SLC25A40: variants seen among roughly 807,000 people sequenced by gnomAD.
SLC25A40 encodes the protein solute carrier family 25 member 40.
Under a neutral mutation model 46.5 loss-of-function variants are expected in SLC25A40, and 41 were observed. The observed-to-expected ratio is 0.88, with a 90% CI of 0.69 to 1.14. SLC25A40 has a LOEUF of 1.14. SLC25A40 is among the 50% of genes most tolerant of loss of function. The pLI, the probability that SLC25A40 is intolerant of heterozygous loss-of-function variation, is 0.00. For missense variants in SLC25A40, 386 were observed against 393.6 expected (o/e 0.98, Z 0.16); for synonymous variants, 126 against 127.5 (o/e 0.99, Z 0.08).
At position 87,841,944 on chromosome 7, in the gene SLC25A40, A is replaced by T. The variant is rs1179981951; in HGVS notation, c.742-230T>A. ...AAAATTCCCTTACTTTCCTGAGGTCACACAGCTACTAGTTGCAGAGCCACA... is the reference window on the plus strand; with the variant it reads ...AAAATTCCCTTACTTTCCTGAGGTCTCACAGCTACTAGTTGCAGAGCCACA... On this transcript the variant is annotated intron_variant, in intron 9 of 11. Coordinates refer to ENST00000341119, the MANE Select transcript of SLC25A40 (RefSeq NM_018843.4). The T allele has an allele frequency of 8.6e-6, 3 of 348,348 alleles. No individual in the cohort carries two copies. The East Asian group carries it at 2.3e-4, about 27-fold the overall frequency. The allele number at this position is 348,348 out of a possible 1,614,324, so 21.6% of individuals were successfully genotyped here. A position where few individuals can be genotyped will look rare whatever the true frequency, so the allele number is the denominator to read the frequency against.
intron 1 of SLC25A40, among the ~76,000 whole-genome samples, chr7:87,867,108 C>A (rs986014773): frequency 6.6e-6 from 1 of 152,224 alleles, no homozygotes; most frequent in Non-Finnish European, 1.5e-5. Flanking sequence ...TGGATCAAAT[C>A]TGTTTGTTGT....
intron 8 of SLC25A40, 91 bp downstream of exon 8, chr7:87,846,858 A>T: frequency 3.7e-6 from 4 of 1,083,068 alleles, no homozygotes; most frequent in African/African-American, 1.6e-5. Flanking sequence ...ACTTACCTTT[A>T]ATGGTAAAGA....
chr7:87,854,091 G>T, intron 5 of SLC25A40, 113 bp downstream of exon 5: 1 of 719,118 alleles, frequency 1.4e-6, no homozygotes, highest in Non-Finnish European at 2.3e-6. Flanking sequence ...CAAAGAAGTA[G>T]TTCCCTGTTC....
At chr7:87,869,057 A>G (rs1418202346) in intron 1 of SLC25A40, among the ~76,000 whole-genome samples, 1 of 152,214 alleles carries the variant, frequency 6.6e-6, no homozygotes, top group Non-Finnish European at 1.5e-5. Context: ...ATTTCACAAT[A>G]TCAGACCATC....
intron 6 of SLC25A40, 117 bp from the exon 7 acceptor site, chr7:87,848,094 A>G: frequency 8.6e-7 from 1 of 1,167,668 alleles, no homozygotes; most frequent in Admixed American, 3.4e-5. Flanking sequence ...TGTAAGCTAA[A>G]AACTACAATA....
At chr7:87,864,908 T>G (rs1028736466) in intron 1 of SLC25A40, among the ~76,000 whole-genome samples, 1 of 152,124 alleles carries the variant, frequency 6.6e-6, no homozygotes, top group African/African-American at 2.4e-5. Context: ...TCTTACTGTT[T>G]TCCTTTGTGG....
At chr7:87,844,429 T>A (rs1033738916) in intron 8 of SLC25A40, among the ~76,000 whole-genome samples, 2 of 152,070 alleles carry the variant, frequency 1.3e-5, no homozygotes, top group African/African-American at 4.8e-5. Flanking sequence ...TTTAATTTGA[T>A]AAAGAACATG....
rs1838614485 is a variant in SLC25A40, at chr7:87,856,370, T to C, written c.98-19A>G. ...GGTGTCACTATGAAGATATGTTAAGTTTCAATTAGCGAGTGGTATCTGTAA... is the reference window on the plus strand; with the variant it reads ...GGTGTCACTATGAAGATATGTTAAGCTTCAATTAGCGAGTGGTATCTGTAA... On this transcript the variant is annotated intron_variant, in intron 3 of 11. Transcript: ENST00000341119. The C allele has an allele frequency of 6.3e-7, 1 of 1,599,052 alleles. No homozygotes were observed. Among genetic ancestry groups the C allele is most frequent in the African/African-American group, 1.3e-5 (1 of 74,604 alleles).
intron 10 of SLC25A40, among the ~76,000 whole-genome samples, chr7:87,840,889 T>C (rs1339031949): frequency 6.6e-6 from 1 of 151,804 alleles, no homozygotes; most frequent in Non-Finnish European, 1.5e-5. Context: ...CAAACTATTA[T>C]AATCATGGGT....
rs1838231511 is a variant in SLC25A40, at chr7:87,834,389, A to G, written c.*1860T>C. ...CACTTTTTGGTTGTTAGTATATTTT[A>G]AAAGTATTAATATTTCTTTTTACCT... On this transcript the variant is annotated 3_prime_UTR_variant, in exon 12 of 12. Transcript: ENST00000341119. The G allele has an allele frequency of 6.6e-6, 1 of 151,748 alleles. No individual in the cohort carries two copies. The highest frequency in any genetic ancestry group is 1.5e-5 in the Non-Finnish European group (1 of 67,794). The allele number at this position is 151,748 out of a possible 1,614,324, so 9.4% of individuals were successfully genotyped here. A position where few individuals can be genotyped will look rare whatever the true frequency, so the allele number is the denominator to read the frequency against.
intron 3 of SLC25A40, 32 bp downstream of exon 3, chr7:87,858,599 T>G: frequency 8.2e-7 from 1 of 1,220,538 alleles, no homozygotes. Context: ...TCATTCAAAG[T>G]TACATAATCT....
chr7:87,850,800 G>T (rs980653593), intron 5 of SLC25A40, among the ~76,000 whole-genome samples: 1 of 151,214 alleles, frequency 6.6e-6, no homozygotes, highest in Admixed American at 6.6e-5. Flanking sequence ...AATAGAAAAA[G>T]GAAAAATGTT....
chr7:87,857,096 A>G (rs1838626439), intron 3 of SLC25A40, among the ~76,000 whole-genome samples: 1 of 152,204 alleles, frequency 6.6e-6, no homozygotes. Context: ...ACTATCACCT[A>G]ACTGTGTCAT....
intron 4 of SLC25A40, 136 bp from the exon 5 acceptor site, chr7:87,854,446 C>A: frequency 1.7e-6 from 1 of 598,316 alleles, no homozygotes; most frequent in Non-Finnish European, 2.9e-6. Flanking sequence ...GATAAATAAA[C>A]ATCTCTACTT....
chr7:87,843,709 A>T (rs113177742), intron 9 of SLC25A40, 45 bp downstream of exon 9: 3 of 1,455,950 alleles, frequency 2.1e-6, no homozygotes, highest in Non-Finnish European at 2.9e-6. Flanking sequence ...GTTTTAATAC[A>T]ACAATTATTC....
chr7:87,872,980 C>T (rs1838917153), intron 1 of SLC25A40, among the ~76,000 whole-genome samples: 1 of 152,170 alleles, frequency 6.6e-6, no homozygotes, highest in African/African-American at 2.4e-5. Context: ...ATGCACTTAG[C>T]CTGCAAAACT....
intron 1 of SLC25A40, among the ~76,000 whole-genome samples, chr7:87,875,252 A>G (rs1838974129): frequency 6.6e-6 from 1 of 152,200 alleles, no homozygotes; most frequent in Non-Finnish European, 1.5e-5. Context: ...AACATCTTTA[A>G]CTGTCTAATA....
chr7:87,849,867 A>G lies in SLC25A40; in HGVS notation c.332+14T>C, dbSNP rs766333344. On this transcript the variant is annotated intron_variant, in intron 6 of 11. Transcript: ENST00000341119. ...ATCATTATTTAGTAGAAAAAACATT[A>G]AATTTCAACTTACAGGGTAGGAGGA... 6.5e-7 allele frequency: 1 copy of G among 1,544,186 alleles called. No homozygotes were observed. The highest frequency in any genetic ancestry group is 2.0e-5 in the Admixed American group (1 of 50,328).
chr7:87,859,892 G>C (rs1348413795), intron 2 of SLC25A40, among the ~76,000 whole-genome samples: 1 of 151,932 alleles, frequency 6.6e-6, no homozygotes, highest in Non-Finnish European at 1.5e-5. Context: ...GATGGGATAA[G>C]CTATTTTAAA....
Sources: allele counts gnomAD v4.1 joint callset (sites outside exome capture counted in the v4.1 genomes callset), GRCh38; gene constraint gnomAD v4.1.1; transcripts MANE v1.5; gene names NCBI Gene and HGNC (gene_info 2026-07-23, HGNC 2026-07-21).